FSIP2: variants seen among roughly 807,000 people sequenced by gnomAD.
FSIP2 encodes fibrous sheath-interacting protein 2.
FSIP2 carries 367 observed loss-of-function variants against 510.5 expected under a neutral mutation model. The ratio of observed to expected loss-of-function variants is 0.72; its 90% CI spans 0.66 to 0.78. The LOEUF is 0.78. Among genes scored for constraint, FSIP2 ranks in the 30% least tolerant of loss-of-function variants. The pLI is 0.00. For synonymous variants in FSIP2, 2,601 were observed against 2,732.2 expected, an observed-to-expected ratio of 0.95 and a Z score of 1.50; for missense variants, 7,594 against 7,901.7, an observed-to-expected ratio of 0.96 and a Z score of 1.48.
chr2:185,746,966 G>A (rs1208343504), intron 6 of FSIP2, among the ~76,000 whole-genome samples, 156 bp downstream of exon 6: 1 of 152,136 alleles, frequency 6.6e-6, no homozygotes, highest in African/African-American at 2.4e-5. Context: ...TATACAAGTT[G>A]TTACATAAAA....
chr2:185,744,114 T>G (rs1691979032), intron 3 of FSIP2, among the ~76,000 whole-genome samples: 1 of 152,218 alleles, frequency 6.6e-6, no homozygotes, highest in East Asian at 1.9e-4. Flanking sequence ...AGAAATTTAT[T>G]GCTGATTAAC....
At chr2:185,830,437 CT>C (rs2105691604) in intron 21 of FSIP2, among the ~76,000 whole-genome samples, 1 of 151,994 alleles carries the variant, frequency 6.6e-6, no homozygotes, top group South Asian at 2.1e-4. Context: ...CTGTCATCCC[CT>C]GATAGCTGTA....
intron 13 of FSIP2, among the ~76,000 whole-genome samples, chr2:185,781,611 TC>T (rs1227640901): frequency 1.3e-5 from 2 of 152,206 alleles, no homozygotes. Context: ...GGTATCAGCT[TC>T]AGCATTTGTT....
At position 185,796,010 on chromosome 2, in the gene FSIP2, T is replaced by C. The variant is rs985264174; in HGVS notation, c.8874T>C (p.Tyr2958=). The C allele has an allele frequency of 3.9e-6, 6 of 1,534,072 alleles. No homozygotes were observed. In the African/African-American group the frequency reaches 6.9e-5, roughly 18 times the overall value. ...AACACATTACTGCTAAAAGTAAATA[T>C]GGTTTTCCAAACAAGCATAGCCTCA... ...SKEHITAKSK[Y]GFPNKHSLSS... The change falls in exon 16 of 23, where the codon TAT becomes TAC. Residue 2958 remains tyrosine, a synonymous_variant. Transcript: ENST00000424728.
intron 10 of FSIP2, among the ~76,000 whole-genome samples, chr2:185,761,671 A>G (rs954698439): frequency 1.3e-5 from 2 of 151,296 alleles, no homozygotes; most frequent in African/African-American, 4.8e-5. Flanking sequence ...ATGAATCTAA[A>G]CTTTTTAGAA....
chr2:185,820,761 A>G (rs899560016), intron 19 of FSIP2, among the ~76,000 whole-genome samples: 1 of 151,484 alleles, frequency 6.6e-6, no homozygotes, highest in Non-Finnish European at 1.5e-5. Flanking sequence ...TAATGAGGGA[A>G]CTTACCAAAC....
At chr2:185,761,659 G>T (rs2105557578) in intron 10 of FSIP2, among the ~76,000 whole-genome samples, 1 of 151,330 alleles carries the variant, frequency 6.6e-6, no homozygotes, top group Non-Finnish European at 1.5e-5. Flanking sequence ...GAGACAAACT[G>T]AATGAATCTA....
rs1559036658 is a variant in FSIP2 at position 185,808,884 on chromosome 2, A to G, written c.19578A>G (p.Gly6526=). 4.4e-6 allele frequency: 7 copies of G among 1,607,334 alleles called. No homozygotes were observed. The highest frequency in any genetic ancestry group is 2.7e-5 in the African/African-American group (2 of 74,538). The change falls in exon 17 of 23, where the codon GGA becomes GGG. Residue 6526 remains glycine, a synonymous_variant. Transcript: ENST00000424728. ...CAATTAAAATAGTTCCACATGTTGG[A>G]AAAAAACCAGTCAAAATAGATCCAA... ...ESPIKIVPHV[G]KKPVKIDPKI...
chr2:185,761,179 T>C, intron 10 of FSIP2, 76 bp downstream of exon 10: 1 of 572,082 alleles, frequency 1.7e-6, no homozygotes, highest in South Asian at 2.7e-5. Flanking sequence ...ATGAACTCTC[T>C]CCTTCAGCAG....
In FSIP2 at chr2:185,805,978, A is replaced by T; in HGVS notation, c.16672A>T (p.Thr5558Ser). 6.4e-7 allele frequency: 1 copy of T among 1,559,180 alleles called. No homozygotes were observed. Among genetic ancestry groups the T allele is most frequent in the Admixed American group, 2.1e-5 (1 of 47,568 alleles). ...TACTCAGGAGCCAAATTTGAGTGAAACATTTAATAATAATGAAATTGAGAA... is the reference window on the plus strand; with the variant it reads ...TACTCAGGAGCCAAATTTGAGTGAATCATTTAATAATAATGAAATTGAGAA... ...KDTQEPNLSE[T>S]FNNNEIEKKR... Residue 5558 changes from threonine (T) to serine (S), a missense_variant, in exon 17 of 23, where the codon ACA (threonine) becomes TCA (serine). Transcript: ENST00000424728.
Position 185,795,111 on chromosome 2 carries a change from T to C in FSIP2, c.7975T>C (p.Cys2659Arg), listed in dbSNP as rs1368181539. The stretch of plus-strand genomic sequence containing the variant: ...GAGCCCTAAGGACAACCCTAAGCCA[T>C]GCTTTAAAGCACATTTAAAAACAAG... ...KVSPKDNPKPCFKAHLKTRSK... is the reference protein window; with the variant it reads ...KVSPKDNPKPRFKAHLKTRSK... Residue 2659 changes from cysteine (C) to arginine (R), a missense_variant, in exon 16 of 23, where the codon TGC (cysteine) becomes CGC (arginine). Coordinates refer to ENST00000424728, the MANE Select transcript of FSIP2 (RefSeq NM_173651.4). The C allele has an allele frequency of 1.3e-6, 2 of 1,534,852 alleles. No homozygotes were observed. The highest frequency in any genetic ancestry group is 1.4e-5 in the African/African-American group (1 of 72,908).
chr2:185,804,875 T>G lies in FSIP2; in HGVS notation c.15569T>G (p.Leu5190Trp). The G allele has an allele frequency of 6.6e-7, 1 of 1,523,188 alleles. No homozygotes were observed. The highest frequency in any genetic ancestry group is 8.8e-7 in the Non-Finnish European group (1 of 1,141,794). 94.4% of individuals were successfully genotyped at this position (1,523,188 alleles called of 1,614,324 possible). Reference sequence around the variant, plus strand: ...ATGCAGTTAGAACCTATTGAAAATTTGGTCGACTCCATATGTAATAATATT... The same window carrying G: ...ATGCAGTTAGAACCTATTGAAAATTGGGTCGACTCCATATGTAATAATATT... ...ESMQLEPIEN[L>W]VDSICNNILK... Residue 5190 changes from leucine (L) to tryptophan (W), a missense_variant, in exon 17 of 23, where the codon TTG (leucine) becomes TGG (tryptophan). Transcript: ENST00000424728.
chr2:185,764,168 C>G (rs1037508645), intron 12 of FSIP2, among the ~76,000 whole-genome samples: 8 of 151,442 alleles, frequency 5.3e-5, no homozygotes, highest in Non-Finnish European at 1.2e-4. Context: ...ATCAGCATTG[C>G]CATCCATATT....
In FSIP2 at chr2:185,806,334, T is replaced by C. The variant is rs762778532; in HGVS notation, c.17028T>C (p.His5676=). Residue 5676 remains histidine, a synonymous_variant, in exon 17 of 23, where the codon CAT becomes CAC. Coordinates refer to ENST00000424728, the MANE Select transcript of FSIP2 (RefSeq NM_173651.4). ...RDEEHHSDYE[H]VQNVIENIFE... is the part of the protein sequence containing the mutation. ...AGGAACACCACTCAGATTATGAACA[T>C]GTTCAAAATGTCATTGAAAATATTT... 6 of 1,609,788 alleles carry C rather than the reference T, an allele frequency of 3.7e-6. No individual in the cohort carries two copies. Among genetic ancestry groups the C allele is most frequent in the Non-Finnish European group, 5.1e-6 (6 of 1,177,948 alleles).
intron 9 of FSIP2, among the ~76,000 whole-genome samples, chr2:185,756,489 G>A (rs939994493): frequency 4.0e-5 from 6 of 151,248 alleles, no homozygotes; most frequent in Non-Finnish European, 7.4e-5. Context: ...TTTTGAACCT[G>A]ACATTATATT....
At chr2:185,815,664 T>A (rs1047653651) in intron 19 of FSIP2, among the ~76,000 whole-genome samples, 193 bp downstream of exon 19, 4 of 152,046 alleles carry the variant, frequency 2.6e-5, no homozygotes, top group Non-Finnish European at 4.4e-5. Context: ...TATTTTTAGA[T>A]ACCTGGCCTC....
chr2:185,811,635 A>C (rs999516025), intron 17 of FSIP2, among the ~76,000 whole-genome samples: 6 of 152,094 alleles, frequency 3.9e-5, no homozygotes, highest in African/African-American at 1.4e-4. Flanking sequence ...TGTTCAAGAC[A>C]ATGGAGAAAA....
chr2:185,829,237 A>C (rs1316396333), intron 21 of FSIP2, among the ~76,000 whole-genome samples: 1 of 151,896 alleles, frequency 6.6e-6, no homozygotes, highest in African/African-American at 2.4e-5. Context: ...TTATGGTTAA[A>C]GTTGTTATCT....
chr2:185,766,758 G>C (rs1289813938), intron 13 of FSIP2, among the ~76,000 whole-genome samples: 2 of 148,546 alleles, frequency 1.3e-5, no homozygotes, highest in Non-Finnish European at 3.0e-5. Context: ...AAGTCAGTGT[G>C]ACGATTCCTC....
Sources: gnomAD v4.1 joint callset for allele counts (sites outside exome capture counted in the v4.1 genomes callset) on GRCh38, gnomAD v4.1.1 for gene constraint, MANE v1.5 for transcripts, NCBI Gene and HGNC (gene_info 2026-07-23, HGNC 2026-07-21) for gene names.